OLFML2A: variants seen among roughly 807,000 people sequenced by gnomAD.
OLFML2A encodes the protein olfactomedin-like protein 2A.
A neutral mutation model predicts 60.9 loss-of-function variants in OLFML2A; 47 were observed. The observed-to-expected ratio is 0.77, with a 90% CI of 0.61 to 0.98. The LOEUF (loss-of-function observed/expected upper bound fraction) is 0.98. Ranked by LOEUF, OLFML2A falls within the 50% of genes least tolerant of loss-of-function variation. The probability of loss-of-function intolerance (pLI) is 0.00; values close to 1 mark genes in which losing one functional copy is unlikely to be tolerated. For synonymous variants in OLFML2A, 372 were observed against 375.0 expected, an observed-to-expected ratio of 0.99 and a Z score of 0.09; for missense variants, 922 against 879.8, an observed-to-expected ratio of 1.05 and a Z score of -0.61.
chr9:124,782,838 G>A lies in OLFML2A; in HGVS notation c.91-4137G>A, dbSNP rs553973623. Among the ~76,000 whole-genome samples, 3 of 152,252 alleles carry A rather than the reference G, an allele frequency of 2.0e-5. No individual in the cohort carries two copies. In the East Asian group the frequency reaches 5.8e-4, roughly 29 times the overall value. On this transcript the variant is annotated intron_variant, in intron 1 of 7. Transcript: ENST00000373580. Reference sequence around the variant, plus strand: ...GTGCGGGTGGGTGTTGGGAGTATGGGTGAGTCCCCAGGAGGAGGCTTCCCT... The same window carrying A: ...GTGCGGGTGGGTGTTGGGAGTATGGATGAGTCCCCAGGAGGAGGCTTCCCT...
chr9:124,801,011 GC>G (rs1457983338), intron 4 of OLFML2A: 1 of 1,551,282 alleles, frequency 6.4e-7, no homozygotes, highest in Non-Finnish European at 8.7e-7. Flanking sequence ...TTGCCTAGGT[GC>G]CTAAGAACCT....
chr9:124,784,289 C>T lies in OLFML2A; in HGVS notation c.91-2686C>T, dbSNP rs527249894. ...CACGATCTTGGCTCACTGCAATCTC[C>T]GCCTCCCGGGTTCAAGCGATTCTCC... is the stretch of plus-strand genomic sequence containing the variant. On this transcript the variant is annotated intron_variant, in intron 1 of 7. Coordinates refer to ENST00000373580, the MANE Select transcript of OLFML2A (RefSeq NM_182487.4). 1.3e-3 allele frequency among the ~76,000 whole-genome samples: 194 copies of T among 151,798 alleles called. 1 individual carries two copies. Among genetic ancestry groups the T allele is most frequent in the African/African-American group, 4.3e-3 (177 of 41,370 alleles).
Position 124,795,146 on chromosome 9 carries a change from G to A in OLFML2A, c.462+15G>A. The A allele has an allele frequency of 6.2e-6, 9 of 1,460,738 alleles. No individual in the cohort carries two copies. The highest frequency in any genetic ancestry group is 6.6e-6 in the Non-Finnish European group (7 of 1,053,882). 90.5% of individuals were successfully genotyped at this position (1,460,738 alleles called of 1,614,324 possible). On this transcript the variant is annotated intron_variant, in intron 3 of 7. Coordinates refer to ENST00000373580, the MANE Select transcript of OLFML2A (RefSeq NM_182487.4). Reference sequence around the variant, plus strand: ...CACTGGAAGAGGTAAGGGCGGGGCTGCCGCCAGAGGCCAGGCTGCTCTGGT... The same window carrying A: ...CACTGGAAGAGGTAAGGGCGGGGCTACCGCCAGAGGCCAGGCTGCTCTGGT...
intron 3 of OLFML2A, 146 bp downstream of exon 3, chr9:124,795,277 G>T: frequency 1.7e-6 from 1 of 573,276 alleles, no homozygotes; most frequent in Non-Finnish European, 3.2e-6. Flanking sequence ...GGGAAATGCA[G>T]GCCACAGGGT....
rs541685305 is a variant in OLFML2A at position 124,793,456 on chromosome 9, C to T, written c.355-1568C>T. Among the ~76,000 whole-genome samples the T allele has an allele frequency of 2.6e-5, 4 of 152,294 alleles. No homozygotes were observed. The East Asian group carries it at 7.7e-4, about 29-fold the overall frequency. ...CTCGGCTGCCATTTCCCCGTCTGAC[C>T]ATGACACAGGAGCCATAAAGCATGA... is the stretch of plus-strand genomic sequence containing the variant. On this transcript the variant is annotated intron_variant, in intron 2 of 7. Coordinates refer to ENST00000373580, the MANE Select transcript of OLFML2A (RefSeq NM_182487.4).
At chr9:124,792,989 C>G (rs1162015329) in intron 2 of OLFML2A, among the ~76,000 whole-genome samples, 1 of 152,254 alleles carries the variant, frequency 6.6e-6, no homozygotes, top group East Asian at 1.9e-4. Flanking sequence ...GCTTCCAGCA[C>G]AGCCTCCCGC....
At chr9:124,796,838 T>C (rs367781216) in intron 3 of OLFML2A, among the ~76,000 whole-genome samples, 39 of 152,206 alleles carry the variant, frequency 2.6e-4, no homozygotes, top group Admixed American at 2.2e-3. Context: ...GGATGGGTGC[T>C]ACTGGGATTC....
intron 7 of OLFML2A, among the ~76,000 whole-genome samples, chr9:124,808,425 A>T (rs1281298058): frequency 1.3e-5 from 2 of 152,100 alleles, no homozygotes; most frequent in South Asian, 2.1e-4. Context: ...GCCAGGATGG[A>T]GCTGACGGCA....
chr9:124,799,230 A>C, intron 3 of OLFML2A, 55 bp from the exon 4 acceptor site: 1 of 1,269,424 alleles, frequency 7.9e-7, no homozygotes, highest in Non-Finnish European at 1.1e-6. Flanking sequence ...CCTCCAGGCT[A>C]GGGGTTCAGA....
chr9:124,803,988 C>A (rs574307616), intron 5 of OLFML2A, 106 bp from the exon 6 acceptor site: 5 of 1,330,178 alleles, frequency 3.8e-6, no homozygotes, highest in Admixed American at 2.3e-5. Context: ...AGGCCTCCCC[C>A]TCCACTCCCT....
Position 124,779,274 on chromosome 9 carries a change from C to A in OLFML2A, c.90+1914C>A, listed in dbSNP as rs866116525. 6.6e-6 allele frequency among the ~76,000 whole-genome samples: 1 copy of A among 152,190 alleles called. No individual in the cohort carries two copies. Among genetic ancestry groups the A allele is most frequent in the African/African-American group, 2.4e-5 (1 of 41,440 alleles). On this transcript the variant is annotated intron_variant, in intron 1 of 7. Transcript: ENST00000373580. The surrounding 1 kb of genome is among the most constrained non-coding windows in gnomAD (Gnocchi z 4.1). ...CTTCATCTAAGAAACATCTCCCCAA[C>A]CTTCCTTCCATATGGGGCCCTCTGG...
Position 124,811,527 on chromosome 9 carries a change from C to G in OLFML2A, c.*1115C>G, listed in dbSNP as rs1842020715. ...CTGGTCACTGGGCAGGCTGGCCCAGCAGCCTGGGGGCTGCAGAAGACATGG... is the reference window on the plus strand; with the variant it reads ...CTGGTCACTGGGCAGGCTGGCCCAGGAGCCTGGGGGCTGCAGAAGACATGG... On this transcript the variant is annotated 3_prime_UTR_variant, in exon 8 of 8. Coordinates refer to ENST00000373580, the MANE Select transcript of OLFML2A (RefSeq NM_182487.4). 1 of 152,676 alleles carries G rather than the reference C, an allele frequency of 6.5e-6. No homozygotes were observed. Among genetic ancestry groups the G allele is most frequent in the Non-Finnish European group, 1.5e-5 (1 of 68,122 alleles). 9.5% of individuals were successfully genotyped at this position (152,676 alleles called of 1,614,324 possible).
intron 7 of OLFML2A, 25 bp from the exon 8 acceptor site, chr9:124,809,783 G>C (rs747170831): frequency 1.0e-5 from 16 of 1,573,054 alleles, no homozygotes; most frequent in Non-Finnish European, 1.4e-5. Flanking sequence ...GGGAGGTCTG[G>C]GGTGACCATC....
chr9:124,786,988 T>C lies in OLFML2A; in HGVS notation c.104T>C (p.Leu35Pro), dbSNP rs779922971. ...CCCCCGCAACAGGTGTTTGGGGACCTGGACCAGGTGAGGATGACCTCGGAG... is the reference window on the plus strand; with the variant it reads ...CCCCCGCAACAGGTGTTTGGGGACCCGGACCAGGTGAGGATGACCTCGGAG... ...TRADSKVFGDLDQVRMTSEGS... is the reference protein window; with the variant it reads ...TRADSKVFGDPDQVRMTSEGS... Residue 35 changes from leucine to proline, a missense_variant, in exon 2 of 8, where the codon CTG becomes CCG. Transcript: ENST00000373580. 4.3e-6 allele frequency: 7 copies of C among 1,610,976 alleles called. No homozygotes were observed. The highest frequency in any genetic ancestry group is 5.9e-6 in the Non-Finnish European group (7 of 1,177,652).
At chr9:124,788,964 G>T (rs554123897) in intron 2 of OLFML2A, among the ~76,000 whole-genome samples, 1 of 152,268 alleles carries the variant, frequency 6.6e-6, no homozygotes, top group Non-Finnish European at 1.5e-5. Context: ...GCAGGGTCTT[G>T]CTCTGTTGCC....
At position 124,779,049 on chromosome 9, in the gene OLFML2A, A is replaced by G; in HGVS notation, c.90+1689A>G. The G allele has an allele frequency of 1.6e-6, 1 of 625,106 alleles. No homozygotes were observed. Among genetic ancestry groups the G allele is most frequent in the Non-Finnish European group, 2.0e-6 (1 of 500,876 alleles). 38.7% of individuals were successfully genotyped at this position (625,106 alleles called of 1,614,324 possible). ...AGCCTGATTCAGCTCAGGGCATGAAAGCACCCACGTACAACGCTGCTCATG... is the reference window on the plus strand; with the variant it reads ...AGCCTGATTCAGCTCAGGGCATGAAGGCACCCACGTACAACGCTGCTCATG... On this transcript the variant is annotated intron_variant, in intron 1 of 7. Coordinates refer to ENST00000373580, the MANE Select transcript of OLFML2A (RefSeq NM_182487.4). This position sits in a 1 kb window ranked among gnomAD's most constrained non-coding sequence, Gnocchi z 4.1.
intron 2 of OLFML2A, among the ~76,000 whole-genome samples, chr9:124,793,217 G>A (rs900226503): frequency 4.6e-5 from 7 of 152,242 alleles, no homozygotes; most frequent in Admixed American, 2.0e-4. Context: ...TTCCCAAGAA[G>A]CCAGGGAAGG....
In OLFML2A at chr9:124,804,173, C is replaced by T. The variant is rs745743919; in HGVS notation, c.999C>T (p.Asn333=). The T allele has an allele frequency of 6.2e-7, 1 of 1,614,120 alleles. No homozygotes were observed. The highest frequency in any genetic ancestry group is 8.5e-7 in the Non-Finnish European group (1 of 1,179,970). ...VEGRSNSAEP[N]SAEQDEAEPR... ...GCAGGTCCAACTCCGCAGAGCCCAA[C>T]TCCGCAGAGCAGGATGAGGCTGAGC... is the stretch of plus-strand genomic sequence containing the variant. The change falls in exon 6 of 8, where the codon AAC becomes AAT. Residue 333 remains asparagine (N), a synonymous_variant. Transcript: ENST00000373580.
intron 4 of OLFML2A, 78 bp downstream of exon 4, chr9:124,799,569 G>A: frequency 1.7e-6 from 2 of 1,172,366 alleles, no homozygotes; most frequent in Non-Finnish European, 1.2e-6. Context: ...TGGCCCTGTG[G>A]ATCAGCTCGA....
Sources: allele counts gnomAD v4.1 joint callset (sites outside exome capture counted in the v4.1 genomes callset), GRCh38; gene constraint gnomAD v4.1.1; non-coding constraint Gnocchi (gnomAD v3.1); transcripts MANE v1.5; gene names NCBI Gene and HGNC (gene_info 2026-07-23, HGNC 2026-07-21).